ZNF385D: variants seen among roughly 807,000 people sequenced by gnomAD.
ZNF385D encodes zinc finger protein 659.
Under a neutral mutation model 35.8 loss-of-function variants are expected in ZNF385D, and 15 were observed. That is an observed-to-expected ratio of 0.42 (90% CI 0.28 to 0.64). The LOEUF (loss-of-function observed/expected upper bound fraction) is 0.64. Ranked by LOEUF, ZNF385D falls within the 30% of genes least tolerant of loss-of-function variation. The pLI is 0.23. For synonymous variants in ZNF385D, 212 were observed against 186.8 expected (o/e 1.13, Z -1.10); for missense variants, 474 against 494.6 (o/e 0.96, Z 0.39).
At chr3:21,492,494 A>C (rs894948364) in intron 4 of ZNF385D, among the ~76,000 whole-genome samples, 2 of 151,856 alleles carry the variant, frequency 1.3e-5, no homozygotes, top group Non-Finnish European at 2.9e-5. Context: ...ACTAAAAAAA[A>C]AAAAATGGCC....
intron 3 of ZNF385D, among the ~76,000 whole-genome samples, chr3:22,039,041 C>G (rs1432482256): frequency 6.6e-6 from 1 of 151,494 alleles, no homozygotes; most frequent in Admixed American, 6.6e-5. Context: ...TCTGAAGAAG[C>G]TATGGGCTCT....
intron 3 of ZNF385D, among the ~76,000 whole-genome samples, chr3:21,806,689 T>A (rs2072666713): frequency 6.6e-6 from 1 of 152,154 alleles, no homozygotes; most frequent in South Asian, 2.1e-4. Context: ...AGTAATAAAA[T>A]TTAGTTTTCA....
intron 3 of ZNF385D, among the ~76,000 whole-genome samples, chr3:21,883,924 A>G (rs57165144): frequency 1.1e-3 from 174 of 152,152 alleles, no homozygotes; most frequent in African/African-American, 3.7e-3. Flanking sequence ...GCAGGAAACC[A>G]TATCTACTAA....
At chr3:22,174,901 T>C (rs1288010808) in intron 2 of ZNF385D, among the ~76,000 whole-genome samples, 4 of 152,006 alleles carry the variant, frequency 2.6e-5, no homozygotes, top group African/African-American at 4.8e-5. Flanking sequence ...AATAACTTCA[T>C]TGAAAAAATA....
In ZNF385D at chr3:21,889,602, C is replaced by G. The variant is rs555497777; in HGVS notation, c.326-224574G>C. ...CCCTTAACTTTCTTCAGAAAAAAAACTGGGGAGAGAAATTCCTCAGGGAGA... is the reference window on the plus strand; with the variant it reads ...CCCTTAACTTTCTTCAGAAAAAAAAGTGGGGAGAGAAATTCCTCAGGGAGA... On this transcript the variant is annotated intron_variant, in intron 3 of 5. Transcript: ENST00000494108. Among the ~76,000 whole-genome samples the G allele has an allele frequency of 1.3e-5, 2 of 151,890 alleles. 1 individual carries two copies. Among genetic ancestry groups the G allele is most frequent in the South Asian group, 4.2e-4 (2 of 4,810 alleles).
intron 1 of ZNF385D, among the ~76,000 whole-genome samples, chr3:21,707,934 C>T (rs1329350404): frequency 1.3e-5 from 2 of 152,056 alleles, no homozygotes; most frequent in East Asian, 1.9e-4. Context: ...AGTGGTGATG[C>T]GGAAGGAGCT....
At chr3:22,167,284 G>A (rs1706397556) in intron 3 of ZNF385D, among the ~76,000 whole-genome samples, 1 of 152,136 alleles carries the variant, frequency 6.6e-6, no homozygotes, top group Non-Finnish European at 1.5e-5. Context: ...TTTGAGTGAT[G>A]CCTTTGCTTT....
chr3:22,164,929 G>T (rs1017250689), intron 3 of ZNF385D, among the ~76,000 whole-genome samples: 3 of 152,152 alleles, frequency 2.0e-5, no homozygotes, highest in Non-Finnish European at 4.4e-5. Context: ...AGGCTACATA[G>T]TATGTAATTC....
intron 2 of ZNF385D, among the ~76,000 whole-genome samples, chr3:22,197,571 G>T (rs146712746): frequency 2.4e-4 from 36 of 152,196 alleles, no homozygotes; most frequent in African/African-American, 8.2e-4. Flanking sequence ...AATGGGCTTT[G>T]GGCCCTTACT....
intron 3 of ZNF385D, among the ~76,000 whole-genome samples, chr3:21,773,157 C>G (rs1442428997): frequency 6.6e-6 from 1 of 151,732 alleles, no homozygotes; most frequent in South Asian, 2.1e-4. Flanking sequence ...ATTATGAATA[C>G]GTTTAATACC....
chr3:22,226,594 C>T (rs6791903), intron 2 of ZNF385D, among the ~76,000 whole-genome samples: 70,030 of 152,020 alleles, frequency 0.46, 18,756 homozygotes, highest in African/African-American at 0.75. Context: ...ATTAAACTTA[C>T]CAGGCAGAAC....
chr3:22,117,998 A>G (rs779984901), intron 3 of ZNF385D, among the ~76,000 whole-genome samples: 15 of 152,114 alleles, frequency 9.9e-5, no homozygotes, highest in Non-Finnish European at 1.9e-4. Flanking sequence ...AAAAAGGGTC[A>G]ACAAAATGAA....
intron 3 of ZNF385D, among the ~76,000 whole-genome samples, chr3:22,099,505 A>G (rs756180198): frequency 5.3e-5 from 8 of 152,096 alleles, no homozygotes; most frequent in Admixed American, 1.3e-4. Context: ...AACAAGGATA[A>G]CTAGATTTAT....
intron 3 of ZNF385D, among the ~76,000 whole-genome samples, chr3:22,034,042 A>G (rs529896204): frequency 6.6e-6 from 1 of 152,288 alleles, no homozygotes; most frequent in Non-Finnish European, 1.5e-5. Flanking sequence ...GTAAGTCCTG[A>G]GCAAACCGAG....
intron 4 of ZNF385D, among the ~76,000 whole-genome samples, chr3:21,437,706 A>AAACAAAAAAC (rs1553632268): frequency 1.4e-5 from 2 of 144,436 alleles, no homozygotes; most frequent in African/African-American, 5.1e-5. Context: ...TTATACAAAA[A>AAACAAAAAAC]AAAAAAAAAA....
rs909264583 is a variant in ZNF385D at position 22,113,599 on chromosome 3, C to T, written c.325+55218G>A. 2.0e-5 allele frequency among the ~76,000 whole-genome samples: 3 copies of T among 152,190 alleles called. No homozygotes were observed. The South Asian group carries it at 6.2e-4, about 32-fold the overall frequency. ...TTACTGTCAATAAAGGTAGTGCTGACTGAGACAATGAGCAGCACAGCAACC... is the reference window on the plus strand; with the variant it reads ...TTACTGTCAATAAAGGTAGTGCTGATTGAGACAATGAGCAGCACAGCAACC... On this transcript the variant is annotated intron_variant, in intron 3 of 5. Coordinates refer to the ZNF385D transcript ENST00000494108.
At chr3:22,283,978 T>C (rs147132607) in intron 2 of ZNF385D, among the ~76,000 whole-genome samples, 3 of 152,274 alleles carry the variant, frequency 2.0e-5, no homozygotes, top group Admixed American at 1.3e-4. Flanking sequence ...GTGCCCCTTA[T>C]TGATGCCTTT....
At chr3:22,135,239 T>C (rs763768288) in intron 3 of ZNF385D, among the ~76,000 whole-genome samples, 2 of 152,074 alleles carry the variant, frequency 1.3e-5, no homozygotes, top group Non-Finnish European at 2.9e-5. Flanking sequence ...GCAAAGAATG[T>C]ACAAGAAAGC....
chr3:21,480,717 T>A (rs1704568007), intron 4 of ZNF385D, among the ~76,000 whole-genome samples: 1 of 152,234 alleles, frequency 6.6e-6, no homozygotes, highest in Non-Finnish European at 1.5e-5. Context: ...TTCTATTTTG[T>A]AAGCTCAGTC....
Sources: gnomAD v4.1 joint callset for allele counts (sites outside exome capture counted in the v4.1 genomes callset) on GRCh38, gnomAD v4.1.1 for gene constraint, MANE v1.5 for transcripts, NCBI Gene and HGNC (gene_info 2026-07-23, HGNC 2026-07-21) for gene names.